The following DOCK8 variants were observed in gnomAD, a reference collection of about 807,000 sequenced individuals.
DOCK8 encodes dedicator of cytokinesis 8.
Under a neutral mutation model 245.6 loss-of-function variants are expected in DOCK8, and 141 were observed. That is an observed-to-expected ratio of 0.57 (90% CI 0.50 to 0.66). The LOEUF is 0.66. Among genes scored for constraint, DOCK8 ranks in the 30% least tolerant of loss-of-function variants. The pLI, the probability that DOCK8 is intolerant of heterozygous loss-of-function variation, is 0.00. For synonymous variants in DOCK8, 1,168 were observed against 970.2 expected, an observed-to-expected ratio of 1.20 and a Z score of -3.79; for missense variants, 2,965 against 2,603.4, an observed-to-expected ratio of 1.14 and a Z score of -3.02.
chr9:398,389 C>T (rs1050468767), intron 25 of DOCK8, among the ~76,000 whole-genome samples: 6 of 152,076 alleles, frequency 3.9e-5, no homozygotes, highest in African/African-American at 1.5e-4. Context: ...TGCATGTTAA[C>T]AAAAGCAAAA....
At chr9:221,979 C>G (rs545436207) in intron 1 of DOCK8, among the ~76,000 whole-genome samples, 1 of 152,104 alleles carries the variant, frequency 6.6e-6, no homozygotes, top group South Asian at 2.1e-4. Flanking sequence ...CCAGGCTGGG[C>G]ACAGTGGCTC....
intron 33 of DOCK8, among the ~76,000 whole-genome samples, chr9:426,543 A>G (rs2056508714): frequency 6.6e-6 from 1 of 152,200 alleles, no homozygotes; most frequent in South Asian, 2.1e-4. Flanking sequence ...AAATACAGCC[A>G]TGGCCCTGAG....
At position 244,627 on chromosome 9, in the gene DOCK8, A is replaced by G. The variant is rs189958243; in HGVS notation, c.54-27000A>G. On this transcript the variant is annotated intron_variant, in intron 1 of 47. Transcript: ENST00000432829. Reference sequence around the variant, plus strand: ...TTTTAGATCCCATACAACACCTATCATATCATAAATGTTTAATAAATATTT... The same window carrying G: ...TTTTAGATCCCATACAACACCTATCGTATCATAAATGTTTAATAAATATTT... Among the ~76,000 whole-genome samples the G allele has an allele frequency of 2.8e-3, 422 of 152,332 alleles. 3 individuals are homozygous for G. Among genetic ancestry groups the G allele is most frequent in the African/African-American group, 9.8e-3 (406 of 41,578 alleles).
intron 33 of DOCK8, among the ~76,000 whole-genome samples, chr9:422,713 T>C (rs1356192382): frequency 1.3e-5 from 2 of 152,126 alleles, no homozygotes; most frequent in African/African-American, 4.8e-5. Flanking sequence ...TCTAGTAGTG[T>C]GTGGCTCACG....
rs2055024348 is a variant in DOCK8, at chr9:400,955, A to ACCACCACCATCACCACCATCACCT, written c.3234+1705_3234+1706insTCACCACCATCACCTCCACCACCA. Reference sequence around the variant, plus strand: ...AACATCCACCACCACCATCACCACCACCACCACCACCTCCTCCACCATCAC... The same window carrying ACCACCACCATCACCACCATCACCT: ...AACATCCACCACCACCATCACCACCACCACCACCATCACCACCATCACCTCCACCACCACCTCCTCCACCATCAC... On this transcript the variant is annotated intron_variant, in intron 26 of 47. Coordinates refer to ENST00000432829, the MANE Select transcript of DOCK8 (RefSeq NM_203447.4). Among the ~76,000 whole-genome samples, 2 of 119,748 alleles carry ACCACCACCATCACCACCATCACCT rather than the reference A, an allele frequency of 1.7e-5. 1 individual carries two copies. The highest frequency in any genetic ancestry group is 5.2e-4 in the East Asian group (2 of 3,820). 78.6% of individuals were successfully genotyped at this position (119,748 alleles called of 152,430 possible). A position where few individuals can be genotyped will look rare whatever the true frequency, so the allele number is the denominator to read the frequency against.
chr9:258,414 G>A (rs754659743), intron 1 of DOCK8, among the ~76,000 whole-genome samples: 2 of 152,164 alleles, frequency 1.3e-5, no homozygotes, highest in Non-Finnish European at 2.9e-5. Flanking sequence ...ACAAATCAGA[G>A]TGGAGAAATG....
chr9:420,596 T>A lies in DOCK8; in HGVS notation c.4023+13T>A. 2 of 1,614,090 alleles carry A rather than the reference T, an allele frequency of 1.2e-6. No individual in the cohort carries two copies. Among genetic ancestry groups the A allele is most frequent in the African/African-American group, 1.3e-5 (1 of 75,022 alleles). On this transcript the variant is annotated intron_variant, in intron 31 of 47. Coordinates refer to ENST00000432829, the MANE Select transcript of DOCK8 (RefSeq NM_203447.4). ...TTTTGAGTATAAGGTAAGTCTGGAG[T>A]GGCACAACTTTATACCAGCTCTTAT...
At chr9:342,550 A>C (rs190781538) in intron 14 of DOCK8, among the ~76,000 whole-genome samples, 1 of 151,354 alleles carries the variant, frequency 6.6e-6, no homozygotes, top group South Asian at 2.1e-4. Context: ...GTTCACTGCA[A>C]CCTCCGCCTC....
In DOCK8 at chr9:267,189, A is replaced by C. The variant is rs114698574; in HGVS notation, c.54-4438A>C. On this transcript the variant is annotated intron_variant, in intron 1 of 47. Transcript: ENST00000432829. ...ACGCTCTGTCTGCACACTATTTTATATGTATGCAATTTGTTTGTTTTTGTT... is the reference window on the plus strand; with the variant it reads ...ACGCTCTGTCTGCACACTATTTTATCTGTATGCAATTTGTTTGTTTTTGTT... Among the ~76,000 whole-genome samples, 1,261 of 152,264 alleles carry C rather than the reference A, an allele frequency of 8.3e-3. 15 individuals carry two copies. Among genetic ancestry groups the C allele is most frequent in the African/African-American group, 0.028 (1,153 of 41,548 alleles).
At chr9:317,014 T>C in intron 6 of DOCK8, 29 bp from the exon 7 acceptor site, 7 of 1,568,124 alleles carry the variant, frequency 4.5e-6, no homozygotes, top group Non-Finnish European at 6.2e-6. Flanking sequence ...AATTCACTAA[T>C]GATTTCCTTA....
intron 15 of DOCK8, 84 bp downstream of exon 15, chr9:368,219 G>T: frequency 1.7e-6 from 2 of 1,168,318 alleles, no homozygotes; most frequent in Non-Finnish European, 1.3e-6. Context: ...ACTCATCAGT[G>T]TACAAAGTCC....
chr9:439,132 G>C (rs949308505), intron 39 of DOCK8, 113 bp from the exon 40 acceptor site: 51 of 1,365,458 alleles, frequency 3.7e-5, no homozygotes, highest in African/African-American at 1.4e-5. Context: ...GTTTAGTCAC[G>C]GTCTTGGTAA....
In DOCK8 at chr9:368,121, A is replaced by G. The variant is rs974346101; in HGVS notation, c.1783A>G (p.Ser595Gly). The G allele has an allele frequency of 6.2e-7, 1 of 1,613,944 alleles. No individual in the cohort carries two copies. The highest frequency in any genetic ancestry group is 1.3e-5 in the African/African-American group (1 of 74,936). The change falls in exon 15 of 48, where the codon AGC (serine) becomes GGC (glycine). Residue 595 changes from serine to glycine, a missense_variant. Transcript: ENST00000432829. ...CCAGTTTATGTGTGGAGAAGATGCT[A>G]GCAATGCGATGCCGGTAAGGAGGGA... Reference protein sequence around the residue: ...KIQFMCGEDASNAMPVIFGKS... With the variant: ...KIQFMCGEDAGNAMPVIFGKS...
chr9:243,317 G>A (rs1206960983), intron 1 of DOCK8, among the ~76,000 whole-genome samples: 1 of 152,126 alleles, frequency 6.6e-6, no homozygotes, highest in Non-Finnish European at 1.5e-5. Flanking sequence ...TTCTGACCCT[G>A]AGTGCTACTG....
At chr9:364,168 G>C (rs994630344) in intron 14 of DOCK8, among the ~76,000 whole-genome samples, 1 of 152,112 alleles carries the variant, frequency 6.6e-6, no homozygotes, top group African/African-American at 2.4e-5. Context: ...TGACCTGAAC[G>C]CTTATTTTTA....
At chr9:388,803 C>G (rs553520312) in intron 23 of DOCK8, among the ~76,000 whole-genome samples, 269 of 152,250 alleles carry the variant, frequency 1.8e-3, no homozygotes, top group African/African-American at 6.2e-3. Context: ...AATCTGCCTC[C>G]TCGGCCTCCC....
At chr9:414,227 A>C (rs1286287024) in intron 28 of DOCK8, among the ~76,000 whole-genome samples, 1 of 152,254 alleles carries the variant, frequency 6.6e-6, no homozygotes, top group East Asian at 1.9e-4. Context: ...AAACTTGTAT[A>C]CACATACTCA....
chr9:387,367 C>T (rs564890566), intron 23 of DOCK8, among the ~76,000 whole-genome samples: 10 of 150,220 alleles, frequency 6.7e-5, no homozygotes, highest in South Asian at 4.2e-4. Context: ...CACTTGAACA[C>T]GGGAGGCAGA....
intron 21 of DOCK8, chr9:381,496 T>G (rs1470448422): frequency 1.3e-5 from 2 of 152,238 alleles, no homozygotes; most frequent in African/African-American, 4.8e-5. Context: ...CAACTCTTCT[T>G]AATTATTTAC....
Sources: allele counts gnomAD v4.1 joint callset (sites outside exome capture counted in the v4.1 genomes callset), GRCh38; gene constraint gnomAD v4.1.1; transcripts MANE v1.5; gene names NCBI Gene and HGNC (gene_info 2026-07-23, HGNC 2026-07-21).